Variants in ADAMTS17 observed in about 807,000 individuals in gnomAD.
ADAMTS17 encodes ADAM metallopeptidase with thrombospondin type 1 motif 17, also known as A disintegrin and metalloproteinase with thrombospondin motifs 17.
A neutral mutation model predicts 141.5 loss-of-function variants in ADAMTS17; 113 were observed. That is an observed-to-expected ratio of 0.80 (90% CI 0.69 to 0.93). The LOEUF (loss-of-function observed/expected upper bound fraction) is 0.93. Ranked by LOEUF, ADAMTS17 falls within the 40% of genes least tolerant of loss-of-function variation. ADAMTS17 has a pLI of 0.00. For synonymous variants in ADAMTS17, 768 were observed against 630.6 expected (o/e 1.22, Z -3.27); for missense variants, 1,659 against 1,517.9 (o/e 1.09, Z -1.54).
At chr15:100,103,302 G>A (rs964506556) in intron 14 of ADAMTS17, among the ~76,000 whole-genome samples, 1 of 152,172 alleles carries the variant, frequency 6.6e-6, no homozygotes, top group Non-Finnish European at 1.5e-5. Context: ...CAGCATGTGG[G>A]GAGCATCGTG....
At chr15:100,055,782 T>A (rs1004393641) in intron 15 of ADAMTS17, among the ~76,000 whole-genome samples, 1 of 152,218 alleles carries the variant, frequency 6.6e-6, no homozygotes, top group Non-Finnish European at 1.5e-5. Flanking sequence ...CCATTTAAGG[T>A]GCATATTCTC....
intron 18 of ADAMTS17, among the ~76,000 whole-genome samples, chr15:100,018,315 C>T (rs1163476048): frequency 6.6e-6 from 1 of 152,096 alleles, no homozygotes; most frequent in African/African-American, 2.4e-5. Context: ...AATGGGCAAA[C>T]AATAAAAGAA....
At chr15:99,982,504 C>T (rs755007878) in intron 20 of ADAMTS17, among the ~76,000 whole-genome samples, 15 of 152,178 alleles carry the variant, frequency 9.9e-5, no homozygotes, top group Non-Finnish European at 2.9e-5. Context: ...CCATGGTGGG[C>T]GCACGGGGTG....
At chr15:100,325,421 G>A (rs114794195) in intron 3 of ADAMTS17, among the ~76,000 whole-genome samples, 4,050 of 152,306 alleles carry the variant, frequency 0.027, 94 homozygotes, top group East Asian at 0.072. Flanking sequence ...AATTTGGACG[G>A]AGACATGCAG....
At position 100,132,422 on chromosome 15, in the gene ADAMTS17, G is replaced by T. The variant is rs8029035; in HGVS notation, c.1576-270C>A. Among the ~76,000 whole-genome samples the T allele has an allele frequency of 0.87, 132,493 of 152,226 alleles. 58,596 individuals are homozygous for T. The highest frequency in any genetic ancestry group is 0.94 in the East Asian group (4,873 of 5,176). ...ATTTTCTAAATCCCAGAAAAAGGATGAATCTACGTAGCTCTTGAAGAGACC... is the reference window on the plus strand; with the variant it reads ...ATTTTCTAAATCCCAGAAAAAGGATTAATCTACGTAGCTCTTGAAGAGACC... On this transcript the variant is annotated intron_variant, in intron 11 of 21. Coordinates refer to ENST00000268070, the MANE Select transcript of ADAMTS17 (RefSeq NM_139057.4).
chr15:100,292,118 G>A (rs1031940477), intron 3 of ADAMTS17, among the ~76,000 whole-genome samples: 1 of 150,542 alleles, frequency 6.6e-6, no homozygotes, highest in South Asian at 2.1e-4. Context: ...GGGGAGTCAC[G>A]AGAGACGCTC....
chr15:100,315,264 G>A (rs1194038566), intron 3 of ADAMTS17, among the ~76,000 whole-genome samples: 7 of 152,210 alleles, frequency 4.6e-5, no homozygotes, highest in African/African-American at 1.7e-4. Flanking sequence ...GCTTCCTGCG[G>A]CAGCCTCGGC....
intron 8 of ADAMTS17, among the ~76,000 whole-genome samples, chr15:100,165,279 G>A (rs1045210877): frequency 3.9e-5 from 6 of 152,188 alleles, no homozygotes. Flanking sequence ...GAGCACAGCT[G>A]GACACAGGAC....
intron 15 of ADAMTS17, among the ~76,000 whole-genome samples, chr15:100,092,210 T>C (rs561168877): frequency 6.6e-6 from 1 of 152,346 alleles, no homozygotes; most frequent in East Asian, 1.9e-4. Flanking sequence ...ACTCTGTCTT[T>C]TATAGCTTTA....
intron 15 of ADAMTS17, among the ~76,000 whole-genome samples, chr15:100,055,949 C>G (rs1552098): frequency 2.0e-5 from 3 of 151,946 alleles, no homozygotes; most frequent in Non-Finnish European, 2.9e-5. Context: ...CTGAATCCAA[C>G]AGACCAACCC....
intron 6 of ADAMTS17, among the ~76,000 whole-genome samples, chr15:100,255,242 C>A (rs553443168): frequency 6.6e-6 from 1 of 152,256 alleles, no homozygotes; most frequent in Non-Finnish European, 1.5e-5. Flanking sequence ...GGATCAACCA[C>A]AGAGGGTTGG....
chr15:100,060,784 C>T (rs1322618571), intron 15 of ADAMTS17, among the ~76,000 whole-genome samples: 1 of 152,224 alleles, frequency 6.6e-6, no homozygotes, highest in Non-Finnish European at 1.5e-5. Flanking sequence ...AGAAAGCCAG[C>T]CAGCGTGGGC....
chr15:100,323,391 T>C lies in ADAMTS17; in HGVS notation c.616+7498A>G, dbSNP rs1257064365. On this transcript the variant is annotated intron_variant, in intron 3 of 21. Coordinates refer to ENST00000268070, the MANE Select transcript of ADAMTS17 (RefSeq NM_139057.4). ...TGTCTAAATTCTTACCACTATACTG[T>C]ACTGCCTCTTTAGGGAAAAGGTATG... Among the ~76,000 whole-genome samples the C allele has an allele frequency of 8.5e-5, 13 of 152,336 alleles. No individual in the cohort carries two copies. The East Asian group carries it at 2.5e-3, about 29-fold the overall frequency.
At chr15:100,062,754 A>C (rs1293321957) in intron 15 of ADAMTS17, among the ~76,000 whole-genome samples, 1 of 152,236 alleles carries the variant, frequency 6.6e-6, no homozygotes, top group Admixed American at 6.5e-5. Context: ...GCACTTTGCA[A>C]CACAGGCTGA....
intron 15 of ADAMTS17, among the ~76,000 whole-genome samples, chr15:100,061,301 CT>C (rs1305424508): frequency 1.5e-4 from 23 of 152,208 alleles, no homozygotes; most frequent in Non-Finnish European, 1.5e-5. Context: ...ACCAAGCCCC[CT>C]GAAGCTTCAG....
At chr15:100,297,119 G>T (rs1052301721) in intron 3 of ADAMTS17, among the ~76,000 whole-genome samples, 2 of 152,164 alleles carry the variant, frequency 1.3e-5, no homozygotes, top group Non-Finnish European at 2.9e-5. Flanking sequence ...TAACAGATAG[G>T]GGTGGGGGAG....
chr15:100,120,178 A>G lies in ADAMTS17; in HGVS notation c.1722-3165T>C, dbSNP rs1021500972. Among the ~76,000 whole-genome samples, 11 of 152,236 alleles carry G rather than the reference A, an allele frequency of 7.2e-5. 1 individual carries two copies. The highest frequency in any genetic ancestry group is 2.7e-4 in the African/African-American group (11 of 41,460). ...CAGGAATCCAGTTCTCCATCCAGAC[A>G]ATAATCACACTGGCAAAAACTACCT... On this transcript the variant is annotated intron_variant, in intron 12 of 21. Transcript: ENST00000268070.
At chr15:100,011,473 G>A (rs1053456259) in intron 18 of ADAMTS17, among the ~76,000 whole-genome samples, 2 of 151,632 alleles carry the variant, frequency 1.3e-5, no homozygotes, top group Non-Finnish European at 2.9e-5. Flanking sequence ...AGAGAACAAA[G>A]GCAGGCAGGA....
chr15:100,157,981 C>T lies in ADAMTS17; in HGVS notation c.1182-2661G>A, dbSNP rs184227886. ...TCGGATCACTGCAACCTCTGCCTCCCGCGTTCAAGCTATTCTCCTGCCTCA... is the reference window on the plus strand; with the variant it reads ...TCGGATCACTGCAACCTCTGCCTCCTGCGTTCAAGCTATTCTCCTGCCTCA... On this transcript the variant is annotated intron_variant, in intron 8 of 21. Coordinates refer to ENST00000268070, the MANE Select transcript of ADAMTS17 (RefSeq NM_139057.4). Among the ~76,000 whole-genome samples, 262 of 151,936 alleles carry T rather than the reference C, an allele frequency of 1.7e-3. 1 individual carries two copies. The highest frequency in any genetic ancestry group is 5.9e-3 in the African/African-American group (245 of 41,404).
Sources: gnomAD v4.1 joint callset for allele counts (sites outside exome capture counted in the v4.1 genomes callset) on GRCh38, gnomAD v4.1.1 for gene constraint, MANE v1.5 for transcripts, NCBI Gene and HGNC (gene_info 2026-07-23, HGNC 2026-07-21) for gene names.